LUZP2: variants seen among roughly 807,000 people sequenced by gnomAD.
The protein encoded by LUZP2 is leucine zipper protein 2.
LUZP2 carries 52 observed loss-of-function variants against 51.6 expected under a neutral mutation model. The observed-to-expected ratio is 1.01, with a 90% confidence interval of 0.81 to 1.27. The LOEUF is 1.27. LUZP2 is among the 50% of genes most tolerant of loss of function. The probability of loss-of-function intolerance (pLI) is 0.00; values close to 1 mark genes in which losing one functional copy is unlikely to be tolerated. For missense variants in LUZP2, 436 were observed against 395.4 expected (o/e 1.10, Z -0.87); for synonymous variants, 154 against 137.3 (o/e 1.12, Z -0.85).
chr11:24,966,069 T>C lies in LUZP2; in HGVS notation c.523-10522T>C, dbSNP rs573609620. Among the ~76,000 whole-genome samples, 279 of 151,946 alleles carry C rather than the reference T, an allele frequency of 1.8e-3. 2 individuals are homozygous for C. The highest frequency in any genetic ancestry group is 6.5e-3 in the African/African-American group (272 of 41,566). ...TTCTAGGGGAAGTGGTTTTTCATTG[T>C]AGTTTTACTTGCTTTATCTGATAAA... is the stretch of plus-strand genomic sequence containing the variant. On this transcript the variant is annotated intron_variant, in intron 7 of 11. Transcript: ENST00000336930.
intron 5 of LUZP2, among the ~76,000 whole-genome samples, chr11:24,769,316 A>G (rs2134047162): frequency 6.6e-6 from 1 of 152,292 alleles, no homozygotes; most frequent in South Asian, 2.1e-4. Flanking sequence ...TCTGCGTCTT[A>G]TTGCACAGTA....
chr11:24,682,639 T>C (rs536121636), intron 1 of LUZP2, among the ~76,000 whole-genome samples: 96 of 149,504 alleles, frequency 6.4e-4, no homozygotes, highest in African/African-American at 2.2e-3. Context: ...TACACATATA[T>C]ATACACACAC....
rs374694726 is a variant in LUZP2 at position 24,776,986 on chromosome 11, T to G, written c.396+13678T>G. Among the ~76,000 whole-genome samples the G allele has an allele frequency of 3.9e-3, 541 of 140,442 alleles. 3 individuals carry two copies. The highest frequency in any genetic ancestry group is 0.014 in the African/African-American group (523 of 37,020). 92.1% of individuals were successfully genotyped at this position (140,442 alleles called of 152,430 possible). ...AAGGGTTCCATCCCCTTGGTGACAC[T>G]GTAAGTAGTTTTTTTTTTTTTTTTT... On this transcript the variant is annotated intron_variant, in intron 5 of 11. Transcript: ENST00000336930.
intron 1 of LUZP2, among the ~76,000 whole-genome samples, chr11:24,547,102 C>T (rs1401241829): frequency 1.3e-5 from 2 of 151,448 alleles, no homozygotes; most frequent in Admixed American, 1.3e-4. Context: ...GGTGTATGTG[C>T]CCAGGAATTT....
chr11:24,714,751 A>T (rs1283736218), intron 1 of LUZP2, among the ~76,000 whole-genome samples: 1 of 152,136 alleles, frequency 6.6e-6, no homozygotes, highest in East Asian at 1.9e-4. Flanking sequence ...TAAGAGAAAA[A>T]CATGCAACCT....
chr11:25,004,482 T>C (rs570874646), intron 9 of LUZP2, among the ~76,000 whole-genome samples: 26 of 152,270 alleles, frequency 1.7e-4, no homozygotes, highest in African/African-American at 6.0e-4. Flanking sequence ...GGTTTAATAA[T>C]GCCTCCAGAT....
chr11:25,064,003 G>A (rs7936897), intron 10 of LUZP2, among the ~76,000 whole-genome samples: 136,161 of 151,608 alleles, frequency 0.9, 62,233 homozygotes, highest in Non-Finnish European at 0.97. Flanking sequence ...TTTATCTTCA[G>A]ATATCTTGTA....
chr11:25,027,848 C>T (rs565692834), intron 9 of LUZP2, among the ~76,000 whole-genome samples: 3 of 133,070 alleles, frequency 2.3e-5, no homozygotes, highest in South Asian at 2.6e-4. Context: ...CCAGCCTGGG[C>T]GAAAGAACGA....
chr11:24,886,249 T>C (rs1852664157), intron 5 of LUZP2, among the ~76,000 whole-genome samples: 1 of 152,182 alleles, frequency 6.6e-6, no homozygotes, highest in Non-Finnish European at 1.5e-5. Flanking sequence ...GACTTGCATA[T>C]TATGTTTTTC....
chr11:24,791,278 T>C (rs1255148417), intron 5 of LUZP2, among the ~76,000 whole-genome samples: 1 of 152,222 alleles, frequency 6.6e-6, no homozygotes, highest in Non-Finnish European at 1.5e-5. Flanking sequence ...TTAATATTAG[T>C]TGAATGAGCA....
In LUZP2 at chr11:24,878,744, G is replaced by A. The variant is rs117177259; in HGVS notation, c.397-27247G>A. 6.7e-3 allele frequency among the ~76,000 whole-genome samples: 1,018 copies of A among 151,540 alleles called. 15 individuals carry two copies. The highest frequency in any genetic ancestry group is 0.058 in the East Asian group (294 of 5,112). ...GCCATGGCGCTTTGCTGCACTTATT[G>A]ACCCGTCCTCTATGTTCCCTCCTTT... On this transcript the variant is annotated intron_variant, in intron 5 of 11. Transcript: ENST00000336930.
intron 5 of LUZP2, among the ~76,000 whole-genome samples, chr11:24,905,535 T>A (rs888162366): frequency 1.3e-5 from 2 of 151,240 alleles, no homozygotes; most frequent in African/African-American, 2.4e-5. Context: ...TCAAAAAAAA[T>A]AAATAAAAAA....
At chr11:24,570,320 G>A (rs1290620807) in intron 1 of LUZP2, among the ~76,000 whole-genome samples, 3 of 152,074 alleles carry the variant, frequency 2.0e-5, no homozygotes, top group Non-Finnish European at 2.9e-5. Flanking sequence ...TCTTTTATAT[G>A]CAAAAATAAA....
At chr11:24,608,032 G>T (rs1252108747) in intron 1 of LUZP2, among the ~76,000 whole-genome samples, 1 of 151,888 alleles carries the variant, frequency 6.6e-6, no homozygotes, top group African/African-American at 2.4e-5. Flanking sequence ...TGTATTTTTA[G>T]TAGAGACGGG....
chr11:24,944,445 T>C (rs1854845882), intron 7 of LUZP2, among the ~76,000 whole-genome samples: 1 of 152,158 alleles, frequency 6.6e-6, no homozygotes, highest in African/African-American at 2.4e-5. Context: ...AAATATATAG[T>C]TGGAACACAT....
intron 7 of LUZP2, among the ~76,000 whole-genome samples, chr11:24,926,440 T>G (rs1175690388): frequency 2.1e-5 from 3 of 143,458 alleles, no homozygotes; most frequent in Non-Finnish European, 4.6e-5. Context: ...TATATATACG[T>G]GTATATATGT....
intron 1 of LUZP2, among the ~76,000 whole-genome samples, chr11:24,671,338 C>T (rs1051778624): frequency 3.3e-5 from 5 of 151,804 alleles, no homozygotes; most frequent in Admixed American, 1.3e-4. Context: ...ATTCCCCTCC[C>T]ACAACTTTTT....
intron 5 of LUZP2, among the ~76,000 whole-genome samples, chr11:24,834,060 AT>A (rs201116737): frequency 1.3e-5 from 2 of 151,212 alleles, no homozygotes; most frequent in Non-Finnish European, 3.0e-5. Flanking sequence ...TGAAAGTTGG[AT>A]TTTTTTTTGT....
chr11:24,955,741 G>C (rs1469164875), intron 7 of LUZP2, among the ~76,000 whole-genome samples: 3 of 151,922 alleles, frequency 2.0e-5, no homozygotes, highest in African/African-American at 7.2e-5. Context: ...GGCGTACCTT[G>C]GGTGGTGTGC....
Sources: allele counts gnomAD v4.1 joint callset (sites outside exome capture counted in the v4.1 genomes callset), GRCh38; gene constraint gnomAD v4.1.1; transcripts MANE v1.5; gene names NCBI Gene and HGNC (gene_info 2026-07-23, HGNC 2026-07-21).